STRN4: variants seen among roughly 807,000 people sequenced by gnomAD.
The protein encoded by STRN4 is striatin 4.
In STRN4, 27 loss-of-function variants were observed where a neutral mutation model predicts 77.9. The ratio of observed to expected loss-of-function variants is 0.35; its 90% confidence interval spans 0.26 to 0.48. STRN4 has a LOEUF of 0.48. Among genes scored for constraint, STRN4 ranks in the 20% least tolerant of loss-of-function variants. STRN4 has a pLI of 0.99. For synonymous variants in STRN4, 466 were observed against 443.1 expected (o/e 1.05, Z -0.65); for missense variants, 798 against 1,049.7 (o/e 0.76, Z 3.31).
In STRN4 at chr19:46,720,322, G is replaced by A; in HGVS notation, c.*83C>T. 1 of 329,700 alleles carries A rather than the reference G, an allele frequency of 3.0e-6. No individual in the cohort carries two copies. Among genetic ancestry groups the A allele is most frequent in the South Asian group, 1.3e-4 (1 of 7,444 alleles). 20.4% of individuals were successfully genotyped at this position (329,700 alleles called of 1,614,324 possible). A position where few individuals can be genotyped will look rare whatever the true frequency, so the allele number is the denominator to read the frequency against. ...CAGAGGCCAGGCCTCTGCACCTCCA[G>A]CGAGGCTGGGAGTCCCCTGCGGGAA... is the stretch of plus-strand genomic sequence containing the variant. On this transcript the variant is annotated 3_prime_UTR_variant, in exon 18 of 18. Coordinates refer to ENST00000263280, the MANE Select transcript of STRN4 (RefSeq NM_013403.3).
In STRN4 at chr19:46,738,657, A is replaced by G; in HGVS notation, c.386+128T>C. The G allele has an allele frequency of 2.3e-6, 2 of 868,672 alleles. No homozygotes were observed. The highest frequency in any genetic ancestry group is 3.8e-6 in the Non-Finnish European group (2 of 526,438). 53.8% of individuals were successfully genotyped at this position (868,672 alleles called of 1,614,324 possible). On this transcript the variant is annotated intron_variant, in intron 2 of 17. Coordinates refer to ENST00000263280, the MANE Select transcript of STRN4 (RefSeq NM_013403.3). This position sits in a 1 kb window ranked among gnomAD's most constrained non-coding sequence, Gnocchi z 4.5. The stretch of plus-strand genomic sequence containing the variant: ...TGTTTCTCCCCTAGAATCTTATGGT[A>G]CTGGAATGATGGAAAAGAATGTCGA...
rs1323601001 is a variant in STRN4 at position 46,741,098 on chromosome 19, G to C, written c.283-2210C>G. Among the ~76,000 whole-genome samples the C allele has an allele frequency of 6.6e-6, 1 of 152,220 alleles. No homozygotes were observed. ...AAGGCAGCTCCAGCTAAAACATGGA[G>C]AACTGACTGGAGGGAGTTCTGGAGG... is the stretch of plus-strand genomic sequence containing the variant. On this transcript the variant is annotated intron_variant, in intron 1 of 17. Transcript: ENST00000263280. This position sits in a 1 kb window ranked among gnomAD's most constrained non-coding sequence, Gnocchi z 4.9.
rs775765532 is a variant in STRN4, at chr19:46,723,277, G to A, written c.1602C>T (p.Ser534=). 20 of 1,544,630 alleles carry A rather than the reference G, an allele frequency of 1.3e-5. No individual in the cohort carries two copies. The highest frequency in any genetic ancestry group is 2.4e-5 in the East Asian group (1 of 40,988). ...SMDPYDGYDP[S]VLSHVLEGHG... is the part of the protein sequence containing the mutation. ...GGCCCTCCAGGACGTGGCTCAGCAC[G>A]CTTGGGTCTGCACCCACCGCAGGGA... Residue 534 remains serine, a synonymous_variant, in exon 13 of 18, where the codon AGC becomes AGT. Transcript: ENST00000263280. This position sits in a 1 kb window ranked among gnomAD's most constrained non-coding sequence, Gnocchi z 5.5.
chr19:46,740,256 T>G (rs957373408), intron 1 of STRN4: 2 of 151,938 alleles, frequency 1.3e-5, no homozygotes, highest in African/African-American at 4.8e-5. Flanking sequence ...GCCACTGCAC[T>G]CCAGCCTGGG....
chr19:46,728,935 GC>G, intron 6 of STRN4, 158 bp from the exon 7 acceptor site: 5 of 1,016,682 alleles, frequency 4.9e-6, no homozygotes, highest in Non-Finnish European at 7.0e-6. Context: ...CCCCTGCTGG[GC>G]CTTGGACAGC....
intron 3 of STRN4, among the ~76,000 whole-genome samples, chr19:46,737,845 C>A (rs2054399415): frequency 6.6e-6 from 1 of 152,152 alleles, no homozygotes; most frequent in South Asian, 2.1e-4. Flanking sequence ...GACGTCTTCC[C>A]CGGCTTTCCC....
At chr19:46,722,113 T>C (rs2053991486) in intron 15 of STRN4, 41 bp from the exon 16 acceptor site, 1 of 1,610,146 alleles carries the variant, frequency 6.2e-7, no homozygotes. Context: ...CCTCCCACTC[T>C]GGGCCTCGCC....
At chr19:46,721,852 A>T in intron 16 of STRN4, 134 bp downstream of exon 16, 1 of 891,056 alleles carries the variant, frequency 1.1e-6, no homozygotes, top group Non-Finnish European at 1.8e-6. Flanking sequence ...TATGGTCACC[A>T]CGGTCATTCC....
At chr19:46,740,813 G>A (rs2054460108) in intron 1 of STRN4, among the ~76,000 whole-genome samples, 1 of 152,154 alleles carries the variant, frequency 6.6e-6, no homozygotes. Context: ...CACATGCAAT[G>A]TGACTAGGAC....
intron 9 of STRN4, chr19:46,726,365 C>T (rs1471985875): frequency 3.3e-5 from 5 of 152,220 alleles, no homozygotes; most frequent in African/African-American, 1.2e-4. Flanking sequence ...TAGCCACAGA[C>T]GGGGCACAGT....
In STRN4 at chr19:46,736,888, G is replaced by C. The variant is rs115934734; in HGVS notation, c.474C>G (p.Pro158=). Residue 158 remains proline (P), a synonymous_variant, in exon 4 of 18, where the codon CCC becomes CCG. Coordinates refer to ENST00000263280, the MANE Select transcript of STRN4 (RefSeq NM_013403.3). ...TGTTCTCCAGGGTGACCGATTCCACGGGGCCATTGGAGACTGGCGGGTGAG... is the reference window on the plus strand; with the variant it reads ...TGTTCTCCAGGGTGACCGATTCCACCGGGCCATTGGAGACTGGCGGGTGAG... ...ADVSEQVSNG[P]VESVTLENSP... 6.2e-7 allele frequency: 1 copy of C among 1,611,994 alleles called. No individual in the cohort carries two copies. The highest frequency in any genetic ancestry group is 8.5e-7 in the Non-Finnish European group (1 of 1,179,018).
Position 46,723,792 on chromosome 19 carries a change from C to T in STRN4, c.1595-508G>A, listed in dbSNP as rs2054038179. Among the ~76,000 whole-genome samples the T allele has an allele frequency of 1.3e-5, 2 of 152,212 alleles. No individual in the cohort carries two copies. The highest frequency in any genetic ancestry group is 4.8e-5 in the African/African-American group (2 of 41,458). ...TGGTTGCTGGAGTCCACACCAGCAG[C>T]TCTGGCCTGCTGACACCGAAAGTGT... is the stretch of plus-strand genomic sequence containing the variant. On this transcript the variant is annotated intron_variant, in intron 12 of 17. Coordinates refer to ENST00000263280, the MANE Select transcript of STRN4 (RefSeq NM_013403.3). This position sits in a 1 kb window ranked among gnomAD's most constrained non-coding sequence, Gnocchi z 5.5.
chr19:46,722,458 G>T, intron 14 of STRN4, 118 bp from the exon 15 acceptor site: 1 of 1,098,624 alleles, frequency 9.1e-7, no homozygotes, highest in Non-Finnish European at 1.3e-6. Context: ...TGTCGAGGGG[G>T]GCTGGGCGAG....
intron 16 of STRN4, 75 bp from the exon 17 acceptor site, chr19:46,720,846 G>A (rs1448723986): frequency 2.8e-6 from 4 of 1,449,214 alleles, no homozygotes; most frequent in Middle Eastern, 1.9e-4. Context: ...CCCCTCACCT[G>A]GCCTTGTCCA....
In STRN4 at chr19:46,738,377, C is replaced by G; in HGVS notation, c.387-140G>C. The G allele has an allele frequency of 8.3e-6, 7 of 844,980 alleles. No individual in the cohort carries two copies. Among genetic ancestry groups the G allele is most frequent in the South Asian group, 5.9e-5 (4 of 68,176 alleles). 52.3% of individuals were successfully genotyped at this position (844,980 alleles called of 1,614,324 possible). A position where few individuals can be genotyped will look rare whatever the true frequency, so the allele number is the denominator to read the frequency against. On this transcript the variant is annotated intron_variant, in intron 2 of 17. Transcript: ENST00000263280. This position sits in a 1 kb window ranked among gnomAD's most constrained non-coding sequence, Gnocchi z 4.5. ...TACTACTGAGGCTGAAGCATCCCCC[C>G]ACACCCCTGGCCTGGTGGAAGAAAC... is the stretch of plus-strand genomic sequence containing the variant.
intron 16 of STRN4, chr19:46,721,097 A>C: frequency 4.3e-6 from 1 of 232,722 alleles, no homozygotes; most frequent in Non-Finnish European, 8.3e-6. Flanking sequence ...AGAAAGAAGA[A>C]AGCAACCCAG....
chr19:46,730,872 T>G lies in STRN4; in HGVS notation c.739A>C (p.Asn247His), dbSNP rs1467331693. The G allele has an allele frequency of 6.2e-7, 1 of 1,610,644 alleles. No homozygotes were observed. The highest frequency in any genetic ancestry group is 8.5e-7 in the Non-Finnish European group (1 of 1,179,964). ...TCTTTGCCATCTTTGCCTGCCGCGT[T>G]CCTGCCAAAGACAGCAGAGCAGAGG... Reference protein sequence around the residue: ...VKQIEEQIKRNAAGKDGKERL... With the variant: ...VKQIEEQIKRHAAGKDGKERL... Residue 247 changes from asparagine (N) to histidine (H), a missense_variant and splice_region_variant, in exon 6 of 18, where the codon AAC (asparagine) becomes CAC (histidine). Asn to His is a moderately conservative substitution (Grantham distance 68, BLOSUM62 1). Coordinates refer to ENST00000263280, the MANE Select transcript of STRN4 (RefSeq NM_013403.3).
rs1362689716 is a variant in STRN4, at chr19:46,738,116, A to C, written c.460+48T>G. The C allele has an allele frequency of 6.3e-7, 1 of 1,577,340 alleles. No homozygotes were observed. Among genetic ancestry groups the C allele is most frequent in the Non-Finnish European group, 8.7e-7 (1 of 1,146,506 alleles). On this transcript the variant is annotated intron_variant, in intron 3 of 17. Transcript: ENST00000263280. The surrounding 1 kb of genome is among the most constrained non-coding windows in gnomAD (Gnocchi z 4.5). ...ATCTTCCTGCTTCTCCAGAACACTC[A>C]GCTTCTGCGGGAGGGTGCCGACAGT...
chr19:46,734,486 T>C (rs977445812), intron 4 of STRN4, among the ~76,000 whole-genome samples: 1 of 152,166 alleles, frequency 6.6e-6, no homozygotes, highest in Non-Finnish European at 1.5e-5. Context: ...CTGTCTATAA[T>C]ACAAAAAAAT....
Sources: allele counts gnomAD v4.1 joint callset (sites outside exome capture counted in the v4.1 genomes callset), GRCh38; gene constraint gnomAD v4.1.1; non-coding constraint Gnocchi (gnomAD v3.1); transcripts MANE v1.5; gene names NCBI Gene and HGNC (gene_info 2026-07-23, HGNC 2026-07-21).